PTPRD: variants seen among roughly 807,000 people sequenced by gnomAD.
The protein encoded by PTPRD is receptor-type tyrosine-protein phosphatase delta.
In PTPRD, 34 loss-of-function variants were observed where a neutral mutation model predicts 214.5. The observed-to-expected ratio is 0.16, with a 90% CI of 0.12 to 0.21. PTPRD has a LOEUF of 0.21. Among genes scored for constraint, PTPRD ranks in the 10% least tolerant of loss-of-function variants. The pLI is 1.00. For missense variants in PTPRD, 2,545 were observed against 2,398.7 expected, an observed-to-expected ratio of 1.06 and a Z score of -1.27; for synonymous variants, 1,128 against 845.7, an observed-to-expected ratio of 1.33 and a Z score of -5.79.
intron 5 of PTPRD, among the ~76,000 whole-genome samples, chr9:9,779,952 C>T (rs559876218): frequency 1.3e-5 from 2 of 152,274 alleles, no homozygotes; most frequent in South Asian, 2.1e-4. Context: ...AAGACACATA[C>T]GCTCATATGT....
intron 9 of PTPRD, among the ~76,000 whole-genome samples, chr9:9,263,789 C>A (rs73390813): frequency 0.017 from 2,552 of 151,640 alleles, 70 homozygotes; most frequent in African/African-American, 0.059. Flanking sequence ...CAATACACAC[C>A]ACAGACACTT....
chr9:8,331,503 A>AACTT (rs752429418), intron 44 of PTPRD, 79 bp downstream of exon 44: 203 of 1,510,252 alleles, frequency 1.3e-4, no homozygotes, highest in South Asian at 3.8e-4. Flanking sequence ...CAAATAAGCA[A>AACTT]ACTTACTACA....
chr9:10,084,256 G>A (rs1273333775), intron 3 of PTPRD, among the ~76,000 whole-genome samples: 8 of 151,870 alleles, frequency 5.3e-5, no homozygotes, highest in Non-Finnish European at 8.8e-5. Context: ...AGTACAGAAA[G>A]CATATTTTAA....
At chr9:9,664,506 C>A (rs553816143) in intron 7 of PTPRD, among the ~76,000 whole-genome samples, 202 of 151,680 alleles carry the variant, frequency 1.3e-3, no homozygotes, top group Non-Finnish European at 1.6e-3. Context: ...CCATTTTAAT[C>A]CTAATACAAG....
intron 7 of PTPRD, among the ~76,000 whole-genome samples, chr9:9,734,135 A>G (rs978241514): frequency 2.0e-5 from 3 of 152,112 alleles, no homozygotes; most frequent in African/African-American, 7.2e-5. Flanking sequence ...TAAACACCCA[A>G]TTTTTGTGTC....
intron 3 of PTPRD, among the ~76,000 whole-genome samples, chr9:10,107,702 T>A (rs768008441): frequency 6.6e-6 from 1 of 152,110 alleles, no homozygotes; most frequent in African/African-American, 2.4e-5. Flanking sequence ...TTCCACAGTA[T>A]CTGGTAAATG....
At chr9:10,152,009 T>C (rs146809162) in intron 3 of PTPRD, among the ~76,000 whole-genome samples, 45 of 152,224 alleles carry the variant, frequency 3.0e-4, no homozygotes, top group Non-Finnish European at 5.3e-4. Context: ...AACACCTACG[T>C]ATAGGTTTTA....
At chr9:8,903,206 C>A (rs1049026063) in intron 11 of PTPRD, among the ~76,000 whole-genome samples, 1 of 151,256 alleles carries the variant, frequency 6.6e-6, no homozygotes, top group Non-Finnish European at 1.5e-5. Context: ...CGTTTGTTAC[C>A]TGGGCATACT....
In PTPRD at chr9:9,334,595, G is replaced by A. The variant is rs1297288018; in HGVS notation, c.-203+62854C>T. ...ACTTTCTCTTGTGGGGTTTGGATATGTCTCCTTATCTCTCTGTGCCTGTGT... is the reference window on the plus strand; with the variant it reads ...ACTTTCTCTTGTGGGGTTTGGATATATCTCCTTATCTCTCTGTGCCTGTGT... On this transcript the variant is annotated intron_variant, in intron 9 of 45. Transcript: ENST00000381196. Among the ~76,000 whole-genome samples the A allele has an allele frequency of 2.0e-5, 3 of 151,916 alleles. No homozygotes were observed. In the East Asian group the frequency reaches 5.8e-4, roughly 29 times the overall value.
chr9:10,141,234 T>C (rs1300458723), intron 3 of PTPRD, among the ~76,000 whole-genome samples: 3 of 151,976 alleles, frequency 2.0e-5, no homozygotes, highest in Non-Finnish European at 2.9e-5. Context: ...CAACATAGTG[T>C]TGGAATTTTT....
At chr9:9,075,034 A>G (rs2099749019) in intron 10 of PTPRD, among the ~76,000 whole-genome samples, 1 of 152,076 alleles carries the variant, frequency 6.6e-6, no homozygotes, top group South Asian at 2.1e-4. Context: ...TAATTGTACA[A>G]AAAGAGAAGA....
At chr9:8,849,754 T>C (rs1324421917) in intron 11 of PTPRD, among the ~76,000 whole-genome samples, 1 of 152,074 alleles carries the variant, frequency 6.6e-6, no homozygotes, top group Non-Finnish European at 1.5e-5. Context: ...CACAGGGCTA[T>C]GGTGAGGGAG....
At chr9:9,807,737 G>C (rs911018753) in intron 5 of PTPRD, among the ~76,000 whole-genome samples, 3 of 152,060 alleles carry the variant, frequency 2.0e-5, no homozygotes, top group African/African-American at 7.2e-5. Context: ...AGTGATTCTT[G>C]ATCGCTGAAA....
intron 7 of PTPRD, among the ~76,000 whole-genome samples, chr9:9,704,804 A>C (rs762688392): frequency 2.4e-4 from 37 of 152,196 alleles, no homozygotes; most frequent in Non-Finnish European, 4.4e-5. Flanking sequence ...AAAGTGACAG[A>C]CATAAGTGAA....
chr9:8,911,448 A>G (rs1330676659), intron 11 of PTPRD, among the ~76,000 whole-genome samples: 1 of 131,736 alleles, frequency 7.6e-6, no homozygotes, highest in East Asian at 2.6e-4. Flanking sequence ...TGTGAGAGAG[A>G]GAGAGAGACA....
intron 3 of PTPRD, among the ~76,000 whole-genome samples, chr9:10,112,485 T>C (rs2098699657): frequency 6.6e-6 from 1 of 152,204 alleles, no homozygotes; most frequent in Non-Finnish European, 1.5e-5. Context: ...AAAATATAAG[T>C]AAATGAAGGT....
chr9:9,082,087 C>T (rs1420979912), intron 10 of PTPRD, among the ~76,000 whole-genome samples: 4 of 149,656 alleles, frequency 2.7e-5, no homozygotes, highest in Admixed American at 1.3e-4. Flanking sequence ...TAGAAAAAGA[C>T]GGACTCCTCC....
chr9:9,239,643 C>T (rs1270506877), intron 9 of PTPRD, among the ~76,000 whole-genome samples: 2 of 152,080 alleles, frequency 1.3e-5, no homozygotes, highest in East Asian at 1.9e-4. Context: ...TAGTATGAAG[C>T]CCTGGATTTT....
chr9:9,216,929 A>AT (rs899369085), intron 9 of PTPRD, among the ~76,000 whole-genome samples: 5 of 151,958 alleles, frequency 3.3e-5, no homozygotes, highest in South Asian at 2.1e-4. Flanking sequence ...AATTATTTCT[A>AT]TTTTTTTTCT....
Sources: gnomAD v4.1 joint callset for allele counts (sites outside exome capture counted in the v4.1 genomes callset) on GRCh38, gnomAD v4.1.1 for gene constraint, MANE v1.5 for transcripts, NCBI Gene and HGNC (gene_info 2026-07-23, HGNC 2026-07-21) for gene names.